Variants in PTGES2 observed in about 807,000 individuals in gnomAD.
PTGES2 encodes the protein GATE-binding factor 1.
Under a neutral mutation model 44.5 loss-of-function variants are expected in PTGES2, and 35 were observed. The ratio of observed to expected loss-of-function variants is 0.79; its 90% CI spans 0.60 to 1.04. The LOEUF (loss-of-function observed/expected upper bound fraction) is 1.04, where lower values mean the gene tolerates loss of function less well. Ranked by LOEUF, PTGES2 falls within the 50% of genes least tolerant of loss-of-function variation. The pLI is 0.00. For missense variants in PTGES2, 517 were observed against 521.4 expected (o/e 0.99, Z 0.08); for synonymous variants, 221 against 227.5 (o/e 0.97, Z 0.26).
chr9:128,126,686 C>A (rs1170487364), intron 1 of PTGES2, among the ~76,000 whole-genome samples: 1 of 151,488 alleles, frequency 6.6e-6, no homozygotes, highest in Non-Finnish European at 1.5e-5. Flanking sequence ...TGGTGAGACC[C>A]CCGTCTCTAG....
At chr9:128,125,521 G>C in intron 1 of PTGES2, 80 bp from the exon 2 acceptor site, 1 of 1,328,056 alleles carries the variant, frequency 7.5e-7, no homozygotes. Context: ...TTTTCCAGAG[G>C]AGTCTTCTGA....
At chr9:128,125,784 C>T (rs1418252239) in intron 1 of PTGES2, among the ~76,000 whole-genome samples, 1 of 152,230 alleles carries the variant, frequency 6.6e-6, no homozygotes, top group Non-Finnish European at 1.5e-5. Context: ...CTCCCACAGA[C>T]ATGGAACAAC....
chr9:128,127,992 G>A (rs555057925), upstream of PTGES2: 70 of 437,652 alleles, frequency 1.6e-4, no homozygotes, highest in East Asian at 2.4e-4. Flanking sequence ...CTGCAGGGGG[G>A]CGAACGTCTC....
intron 3 of PTGES2, among the ~76,000 whole-genome samples, chr9:128,124,103 G>A (rs1834528926): frequency 6.7e-6 from 1 of 150,354 alleles, no homozygotes; most frequent in Non-Finnish European, 1.5e-5. Context: ...TTTTTTTTGA[G>A]ACGGAGTCTC....
Position 128,125,404 on chromosome 9 carries a change from T to TG in PTGES2, c.316dup (p.Gln106ProfsTer34). The TG allele has an allele frequency of 1.2e-6, 2 of 1,614,128 alleles. No individual in the cohort carries two copies. The highest frequency in any genetic ancestry group is 1.7e-6 in the Non-Finnish European group (2 of 1,179,998). On this transcript the variant is annotated frameshift_variant, in exon 2 of 7. Transcript: ENST00000338961. LOFTEE classifies it high-confidence loss of function. ...GCTGCAGAAGGGACACGTCTTGTAC[T>TG]GGTACAGGGTCAGCTGCAGGCGGCT...
At chr9:128,122,631 G>A (rs993155693) in intron 5 of PTGES2, 152 bp from the exon 6 acceptor site, 33 of 672,958 alleles carry the variant, frequency 4.9e-5, no homozygotes, top group East Asian at 1.1e-4. Context: ...GGGAGCATCC[G>A]TCCCAGACGG....
In PTGES2 at chr9:128,123,570, G is replaced by A. The variant is rs914205724; in HGVS notation, c.686+132C>T. The A allele has an allele frequency of 5.1e-5, 48 of 945,130 alleles. No individual in the cohort carries two copies. Among genetic ancestry groups the A allele is most frequent in the Middle Eastern group, 6.7e-4 (2 of 2,970 alleles). 58.5% of individuals were successfully genotyped at this position (945,130 alleles called of 1,614,324 possible). A position where few individuals can be genotyped will look rare whatever the true frequency, so the allele number is the denominator to read the frequency against. On this transcript the variant is annotated intron_variant, in intron 4 of 6. Transcript: ENST00000338961. This position sits in a 1 kb window ranked among gnomAD's most constrained non-coding sequence, Gnocchi z 4.4. ...TGCAGGAAGGTCTCTACTGAAATCCGGCATGGCCCGGCCCCAGCCCCGCTG... is the reference window on the plus strand; with the variant it reads ...TGCAGGAAGGTCTCTACTGAAATCCAGCATGGCCCGGCCCCAGCCCCGCTG...
At chr9:128,127,817 G>T, upstream of PTGES2, 6 of 1,131,160 alleles carry the variant, frequency 5.3e-6, no homozygotes, top group Non-Finnish European at 6.7e-6. Context: ...CGGGTTGGCC[G>T]GGGTGAGGGC....
upstream of PTGES2, chr9:128,128,118 G>A (rs923215905): frequency 8.7e-5 from 32 of 367,608 alleles, no homozygotes; most frequent in African/African-American, 5.8e-4. Context: ...GTCAGTACAG[G>A]CGCCGCGACT....
chr9:128,128,186 T>G, upstream of PTGES2: 1 of 388,746 alleles, frequency 2.6e-6, no homozygotes, highest in South Asian at 1.9e-5. Context: ...TGCGGTTCTC[T>G]CTGCCCTCCC....
At chr9:128,127,218 G>A (rs1168311300) in intron 1 of PTGES2, among the ~76,000 whole-genome samples, 6 of 91,570 alleles carry the variant, frequency 6.6e-5, no homozygotes, top group African/African-American at 2.1e-4. Flanking sequence ...AAAAAACCAC[G>A]GTAGAAGAAC....
At position 128,127,567 on chromosome 9, in the gene PTGES2, C is replaced by G. The variant is rs1441258957; in HGVS notation, c.151G>C (p.Ala51Pro). ...AAGGPSPVAA[A>P]RKGSPRLLGA... Reference sequence around the variant, plus strand: ...AGCAGCCGCGGGCTCCCCTTACGAGCTGCAGCCACGGGGCTCGGGCCGCCC... The same window carrying G: ...AGCAGCCGCGGGCTCCCCTTACGAGGTGCAGCCACGGGGCTCGGGCCGCCC... Residue 51 changes from alanine to proline, a missense_variant, in exon 1 of 7, where the codon GCT (alanine) becomes CCT (proline). Ala to Pro is a conservative substitution (Grantham distance 27). Transcript: ENST00000338961. The G allele has an allele frequency of 8.6e-6, 11 of 1,281,790 alleles. No homozygotes were observed. Among genetic ancestry groups the G allele is most frequent in the Non-Finnish European group, 8.9e-6 (9 of 1,014,768 alleles). The allele number at this position is 1,281,790 out of a possible 1,614,324, so 79.4% of individuals were successfully genotyped here. A position where few individuals can be genotyped will look rare whatever the true frequency, so the allele number is the denominator to read the frequency against.
rs1438268349 is a variant in PTGES2 at position 128,124,670 on chromosome 9, C to A, written c.478-120G>T. On this transcript the variant is annotated intron_variant, in intron 2 of 6. Coordinates refer to ENST00000338961, the MANE Select transcript of PTGES2 (RefSeq NM_025072.7). The stretch of plus-strand genomic sequence containing the variant: ...CCATTCCTGGGGACATGCCCGGAGT[C>A]CTCCCCGCCCTGCCCTCAGGGCACC... 9 of 1,273,620 alleles carry A rather than the reference C, an allele frequency of 7.1e-6. No homozygotes were observed. In the African/African-American group the frequency reaches 1.4e-4, roughly 19 times the overall value. The allele number at this position is 1,273,620 out of a possible 1,614,324, so 78.9% of individuals were successfully genotyped here.
intron 2 of PTGES2, chr9:128,124,905 T>G: frequency 8.0e-7 from 1 of 1,250,542 alleles, no homozygotes; most frequent in Non-Finnish European, 1.0e-6. Flanking sequence ...TGTTGACTCA[T>G]GAAGCAAGCA....
chr9:128,125,245 G>A lies in PTGES2; in HGVS notation c.476C>T (p.Ser159Leu), dbSNP rs192335258. Residue 159 changes from serine to leucine, a missense_variant and splice_region_variant, in exon 2 of 7, where the codon TCG (serine) becomes TTG (leucine). Coordinates refer to ENST00000338961, the MANE Select transcript of PTGES2 (RefSeq NM_025072.7). ...TGCAGGGGGTTCCCTGGGGCTCACC[G>A]AGCTTTCTCCTTCCTGGGCCACCAG... Reference protein sequence around the residue: ...PILVAQEGESSQQLNDSSVII... With the variant: ...PILVAQEGESLQQLNDSSVII... 5.6e-5 allele frequency: 89 copies of A among 1,577,422 alleles called. No individual in the cohort carries two copies. In the East Asian group the frequency reaches 1.7e-3, roughly 30 times the overall value.
intron 6 of PTGES2, among the ~76,000 whole-genome samples, 173 bp from the exon 7 acceptor site, chr9:128,121,446 C>T (rs1221517778): frequency 6.6e-6 from 1 of 152,164 alleles, no homozygotes; most frequent in African/African-American, 2.4e-5. Flanking sequence ...GGGGTGGCTG[C>T]AGGTCTCGCC....
At chr9:128,128,369 G>T (rs1194679974), upstream of PTGES2, 1 of 456,098 alleles carries the variant, frequency 2.2e-6, no homozygotes, top group Non-Finnish European at 4.4e-6. Context: ...CGGTCCTTCT[G>T]CTGGGCTCCC....
chr9:128,122,997 C>T lies in PTGES2; in HGVS notation c.824G>A (p.Gly275Asp), dbSNP rs1339102629. The T allele has an allele frequency of 7.4e-6, 12 of 1,613,906 alleles. No individual in the cohort carries two copies. The highest frequency in any genetic ancestry group is 1.0e-5 in the Non-Finnish European group (12 of 1,180,032). ...TGCACCCATGTACTTGGCCACGGCA[C>T]CCTCCACGGCTCCGAACTTGCCCTC... ...VREGKFGAVEGAVAKYMGAAA... is the reference protein window; with the variant it reads ...VREGKFGAVEDAVAKYMGAAA... The change falls in exon 5 of 7, where the codon GGT becomes GAT. Residue 275 changes from glycine to aspartate, a missense_variant. Physicochemically the swap from Gly to Asp is moderately conservative, Grantham distance 94. Transcript: ENST00000338961.
chr9:128,125,879 T>C (rs1834600238), intron 1 of PTGES2, among the ~76,000 whole-genome samples: 1 of 152,192 alleles, frequency 6.6e-6, no homozygotes, highest in Non-Finnish European at 1.5e-5. Flanking sequence ...AGGCTCATGT[T>C]CACCAGTGGG....
Sources: gnomAD v4.1 joint callset for allele counts (sites outside exome capture counted in the v4.1 genomes callset) on GRCh38, gnomAD v4.1.1 for gene constraint, Gnocchi (gnomAD v3.1) non-coding constraint, MANE v1.5 for transcripts, NCBI Gene and HGNC (gene_info 2026-07-23, HGNC 2026-07-21) for gene names.